PCDH15: variants seen among roughly 807,000 people sequenced by gnomAD.
PCDH15 encodes protocadherin-15.
PCDH15 carries 129 observed loss-of-function variants against 178.5 expected under a neutral mutation model. The ratio of observed to expected loss-of-function variants is 0.72; its 90% CI spans 0.63 to 0.84. PCDH15 has a LOEUF of 0.84. Ranked by LOEUF, PCDH15 falls within the 40% of genes least tolerant of loss-of-function variation. PCDH15 has a pLI of 0.00. For missense variants in PCDH15, 2,230 were observed against 2,099.9 expected, an observed-to-expected ratio of 1.06 and a Z score of -1.21; for synonymous variants, 800 against 732.0, an observed-to-expected ratio of 1.09 and a Z score of -1.50.
At chr10:55,303,246 C>T (rs1216601417) in intron 1 of PCDH15, among the ~76,000 whole-genome samples, 1 of 152,024 alleles carries the variant, frequency 6.6e-6, no homozygotes, top group Non-Finnish European at 1.5e-5. Context: ...TCTCTTTGCC[C>T]GCAGCAAAGT....
intron 2 of PCDH15, among the ~76,000 whole-genome samples, chr10:55,015,977 A>G (rs1025798974): frequency 4.6e-5 from 7 of 151,988 alleles, no homozygotes; most frequent in African/African-American, 1.7e-4. Context: ...GTAAGGGCCT[A>G]TGCTTTCCAT....
intron 9 of PCDH15, among the ~76,000 whole-genome samples, chr10:54,215,963 A>C (rs2051992720): frequency 7.3e-6 from 1 of 136,376 alleles, no homozygotes; most frequent in South Asian, 2.5e-4. Flanking sequence ...AAATGGCGTG[A>C]ACCCGGGAGG....
chr10:54,697,478 T>G (rs894818696), intron 1 of PCDH15, among the ~76,000 whole-genome samples: 1 of 151,034 alleles, frequency 6.6e-6, no homozygotes, highest in Admixed American at 6.6e-5. Context: ...GTTTTTATTT[T>G]TTCATTATGT....
In PCDH15 at chr10:55,530,968, T is replaced by A. The variant is rs11004899; in HGVS notation, c.-156+96657A>T. ...TTGTTTTAGGCTGAAGTGGAAGTAT[T>A]TGCAGCATCACAATTGTCAAAGTCT... is the stretch of plus-strand genomic sequence containing the variant. On this transcript the variant is annotated intron_variant, in intron 2 of 5. Coordinates refer to the PCDH15 transcript ENST00000613346. Among the ~76,000 whole-genome samples, 25 of 151,860 alleles carry A rather than the reference T, an allele frequency of 1.6e-4. No individual in the cohort carries two copies. In the East Asian group the frequency reaches 4.7e-3, roughly 28 times the overall value.
chr10:54,405,681 TAAAATAA>T (rs1292532592), intron 3 of PCDH15, among the ~76,000 whole-genome samples: 6 of 150,094 alleles, frequency 4.0e-5, no homozygotes, highest in Admixed American at 6.7e-5. Context: ...CTCCTGAACA[TAAAATAA>T]AAGTTAAATT....
At chr10:54,266,409 G>GA (rs1051228458) in intron 8 of PCDH15, among the ~76,000 whole-genome samples, 147 of 151,168 alleles carry the variant, frequency 9.7e-4, no homozygotes, top group Non-Finnish European at 1.4e-3. Flanking sequence ...AATAAAACAA[G>GA]AAAAAAACTA....
chr10:54,125,872 C>A (rs1444214141), intron 15 of PCDH15, among the ~76,000 whole-genome samples: 1 of 151,968 alleles, frequency 6.6e-6, no homozygotes, highest in East Asian at 1.9e-4. Flanking sequence ...GCAATTGACC[C>A]TTTTTTCTCA....
At chr10:54,766,691 A>G (rs1030240232) in intron 1 of PCDH15, among the ~76,000 whole-genome samples, 2 of 151,946 alleles carry the variant, frequency 1.3e-5, no homozygotes, top group African/African-American at 4.8e-5. Context: ...GTACTTTGGG[A>G]GGCTGAGGCG....
chr10:54,547,589 G>T (rs1348807185), intron 2 of PCDH15, among the ~76,000 whole-genome samples: 1 of 152,070 alleles, frequency 6.6e-6, no homozygotes, highest in Non-Finnish European at 1.5e-5. Context: ...ATGTTTTTAG[G>T]TTAATCCATA....
chr10:53,946,943 AT>A (rs1291664813), intron 23 of PCDH15, among the ~76,000 whole-genome samples: 2 of 151,890 alleles, frequency 1.3e-5, no homozygotes, highest in Non-Finnish European at 2.9e-5. Context: ...CACCTGGCTA[AT>A]TTTTTGTATT....
intron 18 of PCDH15, among the ~76,000 whole-genome samples, chr10:54,036,199 A>T (rs1464208464): frequency 2.0e-5 from 3 of 151,996 alleles, no homozygotes; most frequent in Non-Finnish European, 2.9e-5. Flanking sequence ...TTATCCAGAA[A>T]ATCCAGCTAA....
At chr10:54,830,802 A>G (rs556184757) in intron 3 of PCDH15, among the ~76,000 whole-genome samples, 6 of 152,044 alleles carry the variant, frequency 3.9e-5, no homozygotes, top group Non-Finnish European at 8.8e-5. Context: ...TGTTAAAAGC[A>G]AACAGCAAGA....
At position 54,968,090 on chromosome 10, in the gene PCDH15, C is replaced by G. The variant is rs150017879; in HGVS notation, c.-79-70590G>C. On this transcript the variant is annotated intron_variant, in intron 2 of 5. Transcript: ENST00000458638. ...TAACATAACCATTTATGACCATTTG[C>G]ATTATTTCTTACACTTATACATACA... Among the ~76,000 whole-genome samples, 472 of 152,238 alleles carry G rather than the reference C, an allele frequency of 3.1e-3. 4 individuals are homozygous for G. Among genetic ancestry groups the G allele is most frequent in the African/African-American group, 0.011 (445 of 41,560 alleles).
intron 29 of PCDH15, among the ~76,000 whole-genome samples, chr10:53,837,861 C>G (rs1230153676): frequency 6.6e-6 from 1 of 151,910 alleles, no homozygotes; most frequent in Non-Finnish European, 1.5e-5. Context: ...AGACCAGTGA[C>G]TCTAAGCTTA....
chr10:55,095,131 G>A (rs1014989242), intron 2 of PCDH15, among the ~76,000 whole-genome samples: 4 of 151,526 alleles, frequency 2.6e-5, no homozygotes, highest in Non-Finnish European at 1.5e-5. Flanking sequence ...TTGTAGAGAC[G>A]TGGTCTCCTT....
At chr10:55,053,715 CATA>C (rs1841221849) in intron 2 of PCDH15, among the ~76,000 whole-genome samples, 1 of 152,130 alleles carries the variant, frequency 6.6e-6, no homozygotes. Flanking sequence ...AAGTACAGGT[CATA>C]ATGGTACAAG....
At chr10:54,461,811 T>A (rs895148214) in intron 3 of PCDH15, among the ~76,000 whole-genome samples, 6 of 152,128 alleles carry the variant, frequency 3.9e-5, no homozygotes, top group African/African-American at 1.4e-4. Context: ...TAATATTTAA[T>A]TCTTGACAAA....
At chr10:54,646,820 A>T (rs1049480225) in intron 2 of PCDH15, among the ~76,000 whole-genome samples, 4 of 152,096 alleles carry the variant, frequency 2.6e-5, no homozygotes, top group African/African-American at 9.7e-5. Context: ...CCATTATAAA[A>T]AACAAAGCAA....
At chr10:54,754,244 C>G (rs1042414590) in intron 1 of PCDH15, among the ~76,000 whole-genome samples, 1 of 152,062 alleles carries the variant, frequency 6.6e-6, no homozygotes, top group African/African-American at 2.4e-5. Flanking sequence ...ATTGCTAACA[C>G]TATAAAACTC....
Sources: allele counts gnomAD v4.1 joint callset (sites outside exome capture counted in the v4.1 genomes callset), GRCh38; gene constraint gnomAD v4.1.1; transcripts MANE v1.5; gene names NCBI Gene and HGNC (gene_info 2026-07-23, HGNC 2026-07-21).